Variants in UBE3C observed in about 807,000 individuals in gnomAD.
UBE3C encodes the protein ubiquitin protein ligase E3C, also known as ubiquitin-protein ligase E3C.
In UBE3C, 42 loss-of-function variants were observed where a neutral mutation model predicts 129.4. The ratio of observed to expected loss-of-function variants is 0.32; its 90% CI spans 0.25 to 0.42. The LOEUF is 0.42. Ranked by LOEUF, UBE3C falls within the 10% of genes least tolerant of loss-of-function variation. The pLI, the probability that UBE3C is intolerant of heterozygous loss-of-function variation, is 1.00. For missense variants in UBE3C, 1,049 were observed against 1,319.1 expected (o/e 0.80, Z 3.17); for synonymous variants, 510 against 492.4 (o/e 1.04, Z -0.47).
Position 157,267,673 on chromosome 7 carries a change from T to C in UBE3C, c.3170T>C (p.Leu1057Pro), listed in dbSNP as rs1208421014. 1 of 1,613,588 alleles carries C rather than the reference T, an allele frequency of 6.2e-7. No individual in the cohort carries two copies. The highest frequency in any genetic ancestry group is 8.5e-7 in the Non-Finnish European group (1 of 1,179,912). Reference protein sequence around the residue: ...TASTCMNLLKLPEFYDETLLR... With the variant: ...TASTCMNLLKPPEFYDETLLR... ...AGCACCTGCATGAACCTGCTGAAGC[T>C]CCCCGAGTTCTATGACGAGACACTT... Residue 1057 changes from leucine (L) to proline (P), a missense_variant, in exon 23 of 23, where the codon CTC (leucine) becomes CCC (proline). Physicochemically the swap from Leu to Pro is moderately conservative, Grantham distance 98. This residue lies in a region of UBE3C where 243 missense variants were observed against 368.7 expected (regional missense o/e 0.66). Transcript: ENST00000348165.
intron 9 of UBE3C, among the ~76,000 whole-genome samples, chr7:157,184,285 C>T (rs994931907): frequency 6.6e-6 from 1 of 152,150 alleles, no homozygotes; most frequent in Non-Finnish European, 1.5e-5. Flanking sequence ...TAGGATCATA[C>T]TATATGTTAA....
intron 10 of UBE3C, among the ~76,000 whole-genome samples, chr7:157,194,434 T>A (rs1193023745): frequency 6.6e-6 from 1 of 152,196 alleles, no homozygotes; most frequent in African/African-American, 2.4e-5. Flanking sequence ...ATTCAGGTCA[T>A]CTGGCAGAGA....
chr7:157,210,577 T>C (rs568844844), intron 13 of UBE3C, among the ~76,000 whole-genome samples: 2 of 152,372 alleles, frequency 1.3e-5, no homozygotes, highest in Admixed American at 6.5e-5. Flanking sequence ...TGAGGTCATG[T>C]ATATGATGGT....
intron 13 of UBE3C, among the ~76,000 whole-genome samples, chr7:157,209,351 T>C (rs533440663): frequency 1.3e-5 from 2 of 152,362 alleles, no homozygotes; most frequent in African/African-American, 4.8e-5. Context: ...ATTTATAATT[T>C]GGGCAGATTG....
intron 1 of UBE3C, among the ~76,000 whole-genome samples, chr7:157,157,171 A>G (rs2116838296): frequency 6.6e-6 from 1 of 152,322 alleles, no homozygotes. Flanking sequence ...ACCTGCAACA[A>G]TGAATTAAAA....
chr7:157,242,681 A>G (rs774802131), intron 18 of UBE3C, among the ~76,000 whole-genome samples: 4 of 152,076 alleles, frequency 2.6e-5, no homozygotes, highest in Non-Finnish European at 4.4e-5. Context: ...ATCTTCTAGA[A>G]ATATTTTGGT....
intron 22 of UBE3C, 30 bp downstream of exon 22, chr7:157,257,074 A>C: frequency 1.2e-6 from 2 of 1,612,592 alleles, no homozygotes; most frequent in Non-Finnish European, 1.7e-6. Context: ...TTTGCTTTAA[A>C]GACCACTTCA....
In UBE3C at chr7:157,182,189, G is replaced by C; in HGVS notation, c.852G>C (p.Ala284=). The C allele has an allele frequency of 1.2e-6, 2 of 1,613,762 alleles. No individual in the cohort carries two copies. The highest frequency in any genetic ancestry group is 1.7e-6 in the Non-Finnish European group (2 of 1,179,872). ...TDQIFHFIIP[A]LADAQTVFPY... is the part of the protein sequence containing the mutation. ...AGATTTTTCATTTCATCATTCCGGC[G>C]CTTGCAGATGCGCAGACCGTTTTCC... Residue 284 remains alanine, a synonymous_variant, in exon 8 of 23, where the codon GCG becomes GCC. Transcript: ENST00000348165.
chr7:157,169,228 T>C, intron 3 of UBE3C, 106 bp downstream of exon 3: 1 of 724,752 alleles, frequency 1.4e-6, no homozygotes, highest in South Asian at 2.2e-5. Context: ...GACAGTAGTA[T>C]TCTTCCCAAT....
intron 18 of UBE3C, among the ~76,000 whole-genome samples, chr7:157,240,390 A>G (rs1182901530): frequency 2.6e-5 from 4 of 152,076 alleles, no homozygotes; most frequent in Non-Finnish European, 5.9e-5. Flanking sequence ...AATAAGTGTG[A>G]CTCTGATGCA....
chr7:157,153,466 A>G (rs1314269604), intron 1 of UBE3C, among the ~76,000 whole-genome samples: 1 of 151,914 alleles, frequency 6.6e-6, no homozygotes, highest in African/African-American at 2.4e-5. Flanking sequence ...TCTCTTTCTA[A>G]TTTGTTTTTA....
At chr7:157,166,941 G>GGTGGTT (rs1554422961) in intron 2 of UBE3C, among the ~76,000 whole-genome samples, 2,476 of 149,848 alleles carry the variant, frequency 0.017, 79 homozygotes, top group African/African-American at 0.053. Flanking sequence ...TGGTGGTGGT[G>GGTGGTT]GTTTTTGAGA....
chr7:157,246,541 T>C (rs960734963), intron 18 of UBE3C, among the ~76,000 whole-genome samples: 1 of 152,238 alleles, frequency 6.6e-6, no homozygotes, highest in African/African-American at 2.4e-5. Context: ...ATTTTGGTAT[T>C]CCCTGGGTAG....
In UBE3C at chr7:157,169,118, A is replaced by G; in HGVS notation, c.191A>G (p.Gln64Arg). ...SFIRGYRDRK[Q>R]QYSIQRSAFD... ...ATTCGAGGCTATAGAGACAGAAAAC[A>G]GCAAGTAAGTTTGTTTTAAAATGAG... The change falls in exon 3 of 23, where the codon CAG (glutamine) becomes CGG (arginine). Residue 64 changes from glutamine (Q) to arginine (R), a missense_variant. Transcript: ENST00000348165. The G allele has an allele frequency of 6.2e-7, 1 of 1,613,216 alleles. No homozygotes were observed. The highest frequency in any genetic ancestry group is 8.5e-7 in the Non-Finnish European group (1 of 1,179,584).
intron 18 of UBE3C, among the ~76,000 whole-genome samples, chr7:157,235,952 A>G (rs190212408): frequency 6.6e-6 from 1 of 152,370 alleles, no homozygotes; most frequent in African/African-American, 2.4e-5. Context: ...CAAGAGAAGA[A>G]AACTGTATAT....
At chr7:157,234,440 A>G (rs1409661628) in intron 18 of UBE3C, among the ~76,000 whole-genome samples, 6 of 152,174 alleles carry the variant, frequency 3.9e-5, no homozygotes, top group Non-Finnish European at 7.3e-5. Flanking sequence ...GCCCTTATGC[A>G]GTATGGTCTT....
intron 18 of UBE3C, among the ~76,000 whole-genome samples, chr7:157,237,303 T>A (rs1796177574): frequency 6.6e-6 from 1 of 151,672 alleles, no homozygotes; most frequent in South Asian, 2.1e-4. Context: ...TAGCCGGGCG[T>A]GGTGGCGGGC....
chr7:157,227,504 C>T (rs532907272), intron 17 of UBE3C, among the ~76,000 whole-genome samples: 3 of 152,018 alleles, frequency 2.0e-5, no homozygotes, highest in Non-Finnish European at 4.4e-5. Flanking sequence ...CGAGACCAGC[C>T]TGGCCAGCAT....
At chr7:157,179,687 G>A (rs377682676) in intron 6 of UBE3C, among the ~76,000 whole-genome samples, 25 of 152,312 alleles carry the variant, frequency 1.6e-4, no homozygotes, top group African/African-American at 5.8e-4. Context: ...CGTGGCTGCA[G>A]ACAGAATTAT....
Sources: gnomAD v4.1 joint callset for allele counts (sites outside exome capture counted in the v4.1 genomes callset) on GRCh38, gnomAD v4.1.1 for gene constraint, gnomAD v4.1.1 regional missense constraint, MANE v1.5 for transcripts, NCBI Gene and HGNC (gene_info 2026-07-23, HGNC 2026-07-21) for gene names.